The following EIF4G3 variants were observed in gnomAD, a reference collection of about 807,000 sequenced individuals.
EIF4G3 encodes eIF-4-gamma 3.
In EIF4G3, 34 loss-of-function variants were observed where a neutral mutation model predicts 186.4. That is an observed-to-expected ratio of 0.18 (90% CI 0.14 to 0.24). The LOEUF is 0.24. Ranked by LOEUF, EIF4G3 falls within the 10% of genes least tolerant of loss-of-function variation. The pLI is 1.00. For missense variants in EIF4G3, 1,536 were observed against 1,948.5 expected, an observed-to-expected ratio of 0.79 and a Z score of 3.99; for synonymous variants, 673 against 679.5, an observed-to-expected ratio of 0.99 and a Z score of 0.15.
At chr1:20,870,521 G>A (rs1245618510) in intron 20 of EIF4G3, among the ~76,000 whole-genome samples, 1 of 152,088 alleles carries the variant, frequency 6.6e-6, no homozygotes, top group South Asian at 2.1e-4. Context: ...ATCATTCTAA[G>A]CACTGGGAAT....
At chr1:21,173,180 A>C (rs1392431926) in intron 2 of EIF4G3, among the ~76,000 whole-genome samples, 1 of 148,726 alleles carries the variant, frequency 6.7e-6, no homozygotes, top group Non-Finnish European at 1.5e-5. Flanking sequence ...TGGGTTCCAA[A>C]CATTTTCTAG....
chr1:21,053,062 CCT>C (rs1330661947), intron 3 of EIF4G3, among the ~76,000 whole-genome samples: 3 of 150,294 alleles, frequency 2.0e-5, no homozygotes, highest in Non-Finnish European at 4.4e-5. Context: ...ATGTGAGGAG[CCT>C]CTCTGCCTGG....
At chr1:21,136,632 C>G (rs1399309153) in intron 2 of EIF4G3, among the ~76,000 whole-genome samples, 1 of 152,104 alleles carries the variant, frequency 6.6e-6, no homozygotes, top group African/African-American at 2.4e-5. Flanking sequence ...AATGCCTGGA[C>G]AAAGTTACCC....
intron 2 of EIF4G3, among the ~76,000 whole-genome samples, chr1:21,110,731 C>CTT (rs34412948): frequency 1.3e-5 from 2 of 151,544 alleles, no homozygotes; most frequent in Non-Finnish European, 2.9e-5. Context: ...CACGCCCAGC[C>CTT]TTTTTTTGTA....
intron 2 of EIF4G3, among the ~76,000 whole-genome samples, chr1:21,162,502 T>C (rs2097783650): frequency 6.7e-6 from 1 of 149,632 alleles, no homozygotes; most frequent in Admixed American, 6.7e-5. Flanking sequence ...ATCCCAGCAC[T>C]TTGGGAGGCC....
intron 4 of EIF4G3, among the ~76,000 whole-genome samples, chr1:21,048,150 C>A (rs1342526114): frequency 6.6e-6 from 1 of 152,186 alleles, no homozygotes. Context: ...TGCTAGGAGA[C>A]CATCTTTTCT....
chr1:21,158,076 G>T (rs762080839), intron 2 of EIF4G3, among the ~76,000 whole-genome samples: 14 of 151,322 alleles, frequency 9.3e-5, no homozygotes, highest in Non-Finnish European at 1.8e-4. Flanking sequence ...GTGCCCTTAT[G>T]AACTGACCAA....
intron 13 of EIF4G3, among the ~76,000 whole-genome samples, chr1:20,947,625 GCAGAAACA>G (rs1042118890): frequency 2.0e-5 from 3 of 151,944 alleles, no homozygotes; most frequent in African/African-American, 7.3e-5. Context: ...AGGGAGTAAG[GCAGAAACA>G]GAGAAACAAA....
chr1:21,126,864 A>C (rs1567129), intron 2 of EIF4G3, among the ~76,000 whole-genome samples: 1 of 152,178 alleles, frequency 6.6e-6, no homozygotes, highest in East Asian at 1.9e-4. Context: ...TATTTGCATA[A>C]AACCTATGCA....
rs369523898 is a variant in EIF4G3, at chr1:20,981,087, C to A, written c.339G>T (p.Pro113=). The change falls in exon 9 of 37, where the codon CCG becomes CCT. Residue 113 remains proline, a synonymous_variant. Coordinates refer to ENST00000602326, the MANE Select transcript of EIF4G3 (RefSeq NM_001391906.1). The part of the protein sequence containing the change: ...HIMMVNHLPM[P]YPVPQGPQYC... ...ACTGAGGCCCCTGGGGCACTGGGTA[C>A]GGCATGGGCAGATGGTTAACCATCA... 1.2e-6 allele frequency: 2 copies of A among 1,612,248 alleles called. No homozygotes were observed. The highest frequency in any genetic ancestry group is 1.1e-5 in the South Asian group (1 of 90,810).
intron 5 of EIF4G3, among the ~76,000 whole-genome samples, chr1:21,002,080 C>G (rs2083660894): frequency 6.6e-6 from 1 of 152,192 alleles, no homozygotes; most frequent in South Asian, 2.1e-4. Context: ...CCACTGTATA[C>G]TTTTGTGAAA....
chr1:20,862,438 T>C (rs1490738885), intron 22 of EIF4G3, 106 bp from the exon 23 acceptor site: 2 of 704,118 alleles, frequency 2.8e-6, no homozygotes, highest in African/African-American at 3.7e-5. Context: ...TTTTTAGAGA[T>C]GGGGTTTCAC....
intron 4 of EIF4G3, among the ~76,000 whole-genome samples, chr1:21,049,856 AC>A (rs2094113053): frequency 6.6e-6 from 1 of 152,212 alleles, no homozygotes; most frequent in South Asian, 2.1e-4. Context: ...ATGCCACTGT[AC>A]CCCAGCCTTG....
At chr1:20,814,792 T>C (rs1238619486) in intron 34 of EIF4G3, among the ~76,000 whole-genome samples, 47 of 47,598 alleles carry the variant, frequency 9.9e-4, no homozygotes, top group Middle Eastern at 0.016. Context: ...CCCCTCTCCC[T>C]CTCCCCACAG....
chr1:20,939,745 T>C (rs1453768703), intron 14 of EIF4G3, among the ~76,000 whole-genome samples: 1 of 151,938 alleles, frequency 6.6e-6, no homozygotes, highest in Non-Finnish European at 1.5e-5. Context: ...TCACTACAAA[T>C]GAAAATGAAC....
chr1:21,155,801 G>A (rs2097649186), intron 2 of EIF4G3, among the ~76,000 whole-genome samples: 1 of 152,000 alleles, frequency 6.6e-6, no homozygotes, highest in African/African-American at 2.4e-5. Flanking sequence ...CCAAACCAAA[G>A]CCCTTTAAGA....
At chr1:20,880,722 G>A (rs2082082298) in intron 19 of EIF4G3, among the ~76,000 whole-genome samples, 1 of 152,202 alleles carries the variant, frequency 6.6e-6, no homozygotes, top group Admixed American at 6.5e-5. Context: ...CTGCACTGCA[G>A]CTTGCGCAAC....
At chr1:20,969,372 TG>T in intron 12 of EIF4G3, 101 bp downstream of exon 12, 1 of 1,383,080 alleles carries the variant, frequency 7.2e-7, no homozygotes, top group Non-Finnish European at 9.9e-7. Flanking sequence ...GCGAGACAAC[TG>T]ATGGAAATGA....
intron 20 of EIF4G3, among the ~76,000 whole-genome samples, chr1:20,873,588 C>T (rs192902962): frequency 9.0e-5 from 13 of 144,206 alleles, no homozygotes; most frequent in Admixed American, 8.0e-4. Context: ...TGGTTATATT[C>T]GTCTTTAAAA....
Sources: gnomAD v4.1 joint callset for allele counts (sites outside exome capture counted in the v4.1 genomes callset) on GRCh38, gnomAD v4.1.1 for gene constraint, MANE v1.5 for transcripts, NCBI Gene and HGNC (gene_info 2026-07-23, HGNC 2026-07-21) for gene names.